The following GLT1D1 variants were observed in gnomAD, a reference collection of about 807,000 sequenced individuals.
GLT1D1 encodes the protein glycosyltransferase 1 domain containing 1.
In GLT1D1, 21 loss-of-function variants were observed where a neutral mutation model predicts 28.7. The ratio of observed to expected loss-of-function variants is 0.73; its 90% CI spans 0.52 to 1.05. GLT1D1 has a LOEUF of 1.05. Ranked by LOEUF, GLT1D1 falls within the 50% of genes least tolerant of loss-of-function variation. The pLI is 0.00. For missense variants in GLT1D1, 343 were observed against 330.6 expected, an observed-to-expected ratio of 1.04 and a Z score of -0.29; for synonymous variants, 147 against 124.8, an observed-to-expected ratio of 1.18 and a Z score of -1.19.
intron 7 of GLT1D1, among the ~76,000 whole-genome samples, chr12:128,970,350 A>G (rs1015739381): frequency 1.3e-5 from 2 of 152,046 alleles, no homozygotes; most frequent in Admixed American, 6.5e-5. Context: ...CATCTGTCCC[A>G]CTTCTCCTGA....
chr12:128,972,356 T>C (rs1038061635), intron 7 of GLT1D1, among the ~76,000 whole-genome samples: 1 of 152,184 alleles, frequency 6.6e-6, no homozygotes, highest in Non-Finnish European at 1.5e-5. Flanking sequence ...GGGTCCACCA[T>C]GGGAGGTATG....
chr12:128,982,779 A>G (rs2135564041), intron 7 of GLT1D1, 150 bp from the exon 12 acceptor site: 1 of 633,154 alleles, frequency 1.6e-6, no homozygotes, highest in South Asian at 1.9e-5. Context: ...GTTTGCATTA[A>G]CTCCCATCCC....
rs1396193674 is a variant in GLT1D1 at position 128,940,494 on chromosome 12, T to TG, written c.376-4830dup. The stretch of plus-strand genomic sequence containing the variant: ...GTTTGGTGCCTGGGTGGCCTGACCC[T>TG]GGCCCTCTGTATCCGGAGTCCCCTC... On this transcript the variant is annotated intron_variant, in intron 4 of 7. Coordinates refer to ENST00000281703, the MANE Select transcript of GLT1D1 (RefSeq NM_144669.3). Among the ~76,000 whole-genome samples the TG allele has an allele frequency of 6.6e-5, 10 of 152,356 alleles. No individual in the cohort carries two copies. The East Asian group carries it at 1.7e-3, about 26-fold the overall frequency.
rs909193700 is a variant in GLT1D1, at chr12:128,947,444, G to A, written c.526G>A (p.Ala176Thr). The change falls in exon 6 of 8, where the codon GCT becomes ACT. Residue 176 changes from alanine to threonine, a missense_variant. Transcript: ENST00000281703. ...TAGCTCTGTCTCTGAAGGCATGTCA[G>A]CTGCAATTTTGGAGGTAATTATGTA... is the stretch of plus-strand genomic sequence containing the variant. 3.1e-6 allele frequency: 5 copies of A among 1,614,056 alleles called. No homozygotes were observed. In the African/African-American group the frequency reaches 4.0e-5, roughly 13 times the overall value.
chr12:128,935,865 G>A (rs568695808), intron 4 of GLT1D1, among the ~76,000 whole-genome samples: 1 of 152,130 alleles, frequency 6.6e-6, no homozygotes, highest in Non-Finnish European at 1.5e-5. Context: ...CGAAATCCAC[G>A]CAATCATTCA....
At chr12:128,867,636 C>T (rs1438470271) in intron 1 of GLT1D1, among the ~76,000 whole-genome samples, 11 of 152,076 alleles carry the variant, frequency 7.2e-5, no homozygotes, top group East Asian at 3.9e-4. Flanking sequence ...CTCGGGGGTC[C>T]CCCAGCAGGC....
intron 2 of GLT1D1, among the ~76,000 whole-genome samples, chr12:128,877,230 A>C (rs138726511): frequency 6.6e-6 from 1 of 152,322 alleles, no homozygotes; most frequent in African/African-American, 2.4e-5. Context: ...ATTTCCTCAA[A>C]CATGAATTAA....
At chr12:128,854,798 C>T (rs1475003396) in intron 1 of GLT1D1, among the ~76,000 whole-genome samples, 1 of 152,114 alleles carries the variant, frequency 6.6e-6, no homozygotes, top group East Asian at 1.9e-4. Flanking sequence ...TGCCCGGCCT[C>T]CTCATCATTA....
intron 4 of GLT1D1, chr12:128,944,482 G>A (rs1380828369): frequency 1.6e-5 from 19 of 1,221,328 alleles, no homozygotes; most frequent in Non-Finnish European, 1.9e-5. Flanking sequence ...CTGAATGAGC[G>A]GCTCCCCTGT....
intron 4 of GLT1D1, among the ~76,000 whole-genome samples, chr12:128,938,435 G>A (rs967535865): frequency 6.6e-6 from 1 of 152,146 alleles, no homozygotes; most frequent in African/African-American, 2.4e-5. Context: ...AATTTTCAGT[G>A]ACTTAGTGAC....
At chr12:128,932,471 A>T (rs1237979443) in intron 4 of GLT1D1, among the ~76,000 whole-genome samples, 1 of 152,190 alleles carries the variant, frequency 6.6e-6, no homozygotes, top group Non-Finnish European at 1.5e-5. Flanking sequence ...GGTGGGAAGG[A>T]CTGTGGTCTG....
intron 1 of GLT1D1, chr12:128,864,122 G>T (rs770500179): frequency 6.0e-6 from 4 of 670,260 alleles, no homozygotes; most frequent in East Asian, 5.6e-5. Flanking sequence ...ATGCCAGCTC[G>T]GCTGGGGCAG....
At chr12:128,864,327 A>G (rs1324658300) in intron 1 of GLT1D1, 2 of 418,104 alleles carry the variant, frequency 4.8e-6, no homozygotes, top group East Asian at 3.6e-5. Flanking sequence ...ATCAGAAAGG[A>G]GACAGGCTGG....
At position 128,907,367 on chromosome 12, in the gene GLT1D1, G is replaced by C. The variant is rs1811393; in HGVS notation, c.375+8080G>C. Reference sequence around the variant, plus strand: ...GTTGCCCAGGCTGGAGCACAGTGGCGTGATCTCGGCTCACTGCAAGCTCTG... The same window carrying C: ...GTTGCCCAGGCTGGAGCACAGTGGCCTGATCTCGGCTCACTGCAAGCTCTG... On this transcript the variant is annotated intron_variant, in intron 4 of 7. Transcript: ENST00000281703. 1.4e-4 allele frequency among the ~76,000 whole-genome samples: 21 copies of C among 148,366 alleles called. No individual in the cohort carries two copies. The East Asian group carries it at 2.4e-3, about 17-fold the overall frequency.
intron 4 of GLT1D1, 190 bp from the exon 9 acceptor site, chr12:128,945,136 G>C: frequency 1.4e-6 from 1 of 734,770 alleles, no homozygotes. Flanking sequence ...GATACGCGAC[G>C]ACACAGTGCC....
chr12:128,926,970 C>A, intron 4 of GLT1D1, 135 bp from the exon 8 acceptor site: 2 of 570,018 alleles, frequency 3.5e-6, no homozygotes, highest in South Asian at 2.4e-5. Flanking sequence ...TTTAAATTGC[C>A]TAATATTATG....
At chr12:128,961,749 T>C (rs1877969089) in intron 7 of GLT1D1, among the ~76,000 whole-genome samples, 1 of 152,098 alleles carries the variant, frequency 6.6e-6, no homozygotes. Context: ...GTTCACAGAT[T>C]CAAATGCTAA....
chr12:128,950,552 G>C (rs1426517554), intron 6 of GLT1D1, among the ~76,000 whole-genome samples: 1 of 152,160 alleles, frequency 6.6e-6, no homozygotes, highest in African/African-American at 2.4e-5. Flanking sequence ...TCCAGCCCCA[G>C]GTATACACCA....
At chr12:128,881,345 G>A (rs582238) in intron 2 of GLT1D1, among the ~76,000 whole-genome samples, 32,996 of 146,842 alleles carry the variant, frequency 0.22, 4,674 homozygotes, top group African/African-American at 0.4. Flanking sequence ...AGCCTGGCCC[G>A]CATGGTGAAG....
Sources: gnomAD v4.1 joint callset for allele counts (sites outside exome capture counted in the v4.1 genomes callset) on GRCh38, gnomAD v4.1.1 for gene constraint, MANE v1.5 for transcripts, NCBI Gene and HGNC (gene_info 2026-07-23, HGNC 2026-07-21) for gene names.